The following TECPR2 variants were observed in gnomAD, a reference collection of about 807,000 sequenced individuals.
TECPR2 encodes tectonin beta-propeller repeat containing 2, also known as tectonin beta-propeller repeat-containing protein 2.
Under a neutral mutation model 138.1 loss-of-function variants are expected in TECPR2, and 65 were observed. That is an observed-to-expected ratio of 0.47 (90% CI 0.39 to 0.58). TECPR2 has a LOEUF of 0.58. TECPR2 is among the 20% of genes least tolerant of loss of function. The pLI, the probability that TECPR2 is intolerant of heterozygous loss-of-function variation, is 0.00. For synonymous variants in TECPR2, 746 were observed against 749.8 expected (o/e 0.99, Z 0.08); for missense variants, 1,553 against 1,824.5 (o/e 0.85, Z 2.71).
intron 17 of TECPR2, among the ~76,000 whole-genome samples, chr14:102,470,788 C>T (rs2139776691): frequency 6.6e-6 from 1 of 151,314 alleles, no homozygotes; most frequent in East Asian, 1.9e-4. Context: ...TACAGGCGTG[C>T]ACCACCATGC....
At chr14:102,492,736 C>T (rs1005563832) in intron 17 of TECPR2, among the ~76,000 whole-genome samples, 4 of 152,150 alleles carry the variant, frequency 2.6e-5, no homozygotes, top group African/African-American at 9.7e-5. Context: ...TGGGCAGCAG[C>T]GTGCCAGGTG....
chr14:102,387,620 G>A (rs767120372), intron 2 of TECPR2, among the ~76,000 whole-genome samples: 7 of 150,896 alleles, frequency 4.6e-5, no homozygotes, highest in African/African-American at 7.3e-5. Context: ...TCTGCCTCCC[G>A]GTTTCACATC....
intron 2 of TECPR2, among the ~76,000 whole-genome samples, chr14:102,379,598 T>A (rs908334062): frequency 6.7e-6 from 1 of 149,596 alleles, no homozygotes; most frequent in Non-Finnish European, 1.5e-5. Context: ...CTGCTGAAGA[T>A]CACAGTCTTA....
chr14:102,496,345 G>T (rs1249776159), intron 17 of TECPR2, among the ~76,000 whole-genome samples: 1 of 152,230 alleles, frequency 6.6e-6, no homozygotes, highest in Non-Finnish European at 1.5e-5. Flanking sequence ...AAGCCCTGGG[G>T]CAAACTGGAG....
Position 102,440,524 on chromosome 14 carries a change from A to T in TECPR2, c.2667A>T (p.Glu889Asp), listed in dbSNP as rs2139739840. 1 of 1,614,208 alleles carries T rather than the reference A, an allele frequency of 6.2e-7. No homozygotes were observed. The highest frequency in any genetic ancestry group is 1.1e-5 in the South Asian group (1 of 91,086). ...VTIKGKRHWY[E>D]ALPQAVFVAL... is the part of the protein sequence containing the mutation. ...TCAAGGGGAAGCGGCACTGGTACGA[A>T]GCCCTGCCCCAGGCAGTGTTTGTGG... is the stretch of plus-strand genomic sequence containing the variant. The change falls in exon 11 of 20, where the codon GAA (glutamate) becomes GAT (aspartate). Residue 889 changes from glutamate (E) to aspartate (D), a missense_variant. Glu to Asp is a conservative substitution (Grantham distance 45). Coordinates refer to ENST00000359520, the MANE Select transcript of TECPR2 (RefSeq NM_014844.5).
At chr14:102,380,838 C>A (rs537233211) in intron 2 of TECPR2, among the ~76,000 whole-genome samples, 2 of 152,044 alleles carry the variant, frequency 1.3e-5, no homozygotes, top group Non-Finnish European at 1.5e-5. Flanking sequence ...GCCACCACAC[C>A]GGCTAATTTT....
At chr14:102,480,680 A>AT (rs1890872351) in intron 17 of TECPR2, among the ~76,000 whole-genome samples, 1 of 150,924 alleles carries the variant, frequency 6.6e-6, no homozygotes, top group Non-Finnish European at 1.5e-5. Context: ...CACCTGGCTC[A>AT]TTTTTTAATT....
At chr14:102,432,226 C>A in intron 8 of TECPR2, 98 bp downstream of exon 8, 4 of 1,234,274 alleles carry the variant, frequency 3.2e-6, no homozygotes, top group Non-Finnish European at 4.3e-6. Flanking sequence ...CTCCATACAT[C>A]CAAAAGCAGA....
intron 10 of TECPR2, among the ~76,000 whole-genome samples, chr14:102,439,467 C>G (rs988809415): frequency 6.6e-6 from 1 of 152,144 alleles, no homozygotes; most frequent in African/African-American, 2.4e-5. Flanking sequence ...TGGCTAACAA[C>G]CCACTCCACA....
chr14:102,385,635 T>C (rs1271667802), intron 2 of TECPR2, among the ~76,000 whole-genome samples: 2 of 152,016 alleles, frequency 1.3e-5, no homozygotes, highest in Non-Finnish European at 2.9e-5. Flanking sequence ...GAGAATCCCA[T>C]GTAAAGATTT....
chr14:102,499,001 C>T lies in TECPR2; in HGVS notation c.*744C>T, dbSNP rs964724314. On this transcript the variant is annotated 3_prime_UTR_variant, in exon 20 of 20. Transcript: ENST00000359520. ...CCACACCCCACACCGCACTGCACCGCACCGCACCGCACCGTACCTCGCCAC... is the reference window on the plus strand; with the variant it reads ...CCACACCCCACACCGCACTGCACCGTACCGCACCGCACCGTACCTCGCCAC... The T allele has an allele frequency of 4.3e-6, 3 of 697,984 alleles. No individual in the cohort carries two copies. Among genetic ancestry groups the T allele is most frequent in the Non-Finnish European group, 7.8e-6 (3 of 383,136 alleles). 43.2% of individuals were successfully genotyped at this position (697,984 alleles called of 1,614,324 possible). A position where few individuals can be genotyped will look rare whatever the true frequency, so the allele number is the denominator to read the frequency against.
chr14:102,408,623 A>C lies in TECPR2; in HGVS notation c.480+4A>C. 1 of 1,598,506 alleles carries C rather than the reference A, an allele frequency of 6.3e-7. No individual in the cohort carries two copies. The highest frequency in any genetic ancestry group is 8.5e-7 in the Non-Finnish European group (1 of 1,175,718). Reference sequence around the variant, plus strand: ...TTCTTCTCTGGATCTAGACCAGGTAAAATTATTTTCAGAAATACTGTTGGC... The same window carrying C: ...TTCTTCTCTGGATCTAGACCAGGTACAATTATTTTCAGAAATACTGTTGGC... On this transcript the variant is annotated splice_donor_region_variant and intron_variant, in intron 4 of 19. Coordinates refer to ENST00000359520, the MANE Select transcript of TECPR2 (RefSeq NM_014844.5).
At chr14:102,470,105 A>C (rs1352828955) in intron 17 of TECPR2, among the ~76,000 whole-genome samples, 2 of 152,164 alleles carry the variant, frequency 1.3e-5, no homozygotes. Flanking sequence ...TGCTGGCCTC[A>C]TAGAATGCAC....
chr14:102,378,712 C>G (rs1391752944), intron 2 of TECPR2, among the ~76,000 whole-genome samples: 1 of 152,102 alleles, frequency 6.6e-6, no homozygotes, highest in African/African-American at 2.4e-5. Flanking sequence ...GCAACCTCCA[C>G]CTCCCAGGTT....
chr14:102,436,236 G>A (rs576898173), intron 9 of TECPR2, among the ~76,000 whole-genome samples: 2 of 152,208 alleles, frequency 1.3e-5, no homozygotes, highest in South Asian at 4.1e-4. Context: ...CCTCTGTGCT[G>A]TCATGCCTCA....
intron 6 of TECPR2, among the ~76,000 whole-genome samples, chr14:102,427,540 G>T (rs1889355464): frequency 1.3e-5 from 2 of 152,206 alleles, no homozygotes; most frequent in South Asian, 4.1e-4. Context: ...CTCTTTATTT[G>T]CACTGTCTAC....
At position 102,454,896 on chromosome 14, in the gene TECPR2, C is replaced by G. The variant is rs546141792; in HGVS notation, c.3640+2269C>G. Among the ~76,000 whole-genome samples, 6 of 152,348 alleles carry G rather than the reference C, an allele frequency of 3.9e-5. No homozygotes were observed. The South Asian group carries it at 1.2e-3, about 32-fold the overall frequency. On this transcript the variant is annotated intron_variant, in intron 16 of 19. Transcript: ENST00000359520. ...GGTGGGATTCAGAGTGAATGGGCATCATGCCAGGTTCTGCACTGCTGGAGC... is the reference window on the plus strand; with the variant it reads ...GGTGGGATTCAGAGTGAATGGGCATGATGCCAGGTTCTGCACTGCTGGAGC...
At chr14:102,414,349 G>A (rs1037051187) in intron 4 of TECPR2, among the ~76,000 whole-genome samples, 2 of 152,206 alleles carry the variant, frequency 1.3e-5, no homozygotes, top group African/African-American at 2.4e-5. Context: ...GCACAGTAAA[G>A]AATGTATCTA....
chr14:102,491,339 C>T (rs1891156076), intron 17 of TECPR2, among the ~76,000 whole-genome samples: 1 of 152,186 alleles, frequency 6.6e-6, no homozygotes, highest in Non-Finnish European at 1.5e-5. Context: ...CCTGAGATTC[C>T]TAAGTAGCTG....
Sources: allele counts gnomAD v4.1 joint callset (sites outside exome capture counted in the v4.1 genomes callset), GRCh38; gene constraint gnomAD v4.1.1; transcripts MANE v1.5; gene names NCBI Gene and HGNC (gene_info 2026-07-23, HGNC 2026-07-21).